Variants in LRP1B observed in about 807,000 individuals in gnomAD.
LRP1B encodes low-density lipoprotein receptor-related protein 1B.
In LRP1B, 217 loss-of-function variants were observed where a neutral mutation model predicts 556.6. That is an observed-to-expected ratio of 0.39 (90% confidence interval 0.35 to 0.44). The LOEUF (loss-of-function observed/expected upper bound fraction) is 0.44. Ranked by LOEUF, LRP1B falls within the 20% of genes least tolerant of loss-of-function variation. The pLI is 1.00. For synonymous variants in LRP1B, 2,047 were observed against 1,865.8 expected, an observed-to-expected ratio of 1.10 and a Z score of -2.50; for missense variants, 5,053 against 5,620.8, an observed-to-expected ratio of 0.90 and a Z score of 3.23.
intron 29 of LRP1B, among the ~76,000 whole-genome samples, chr2:140,842,606 C>CTT (rs565024821): frequency 1.4e-5 from 2 of 146,148 alleles, no homozygotes; most frequent in Admixed American, 1.4e-4. Context: ...CCAATTTCAT[C>CTT]TTTTTTTTTT....
intron 1 of LRP1B, among the ~76,000 whole-genome samples, chr2:142,109,105 GA>G (rs1250325546): frequency 4.6e-5 from 7 of 152,144 alleles, no homozygotes; most frequent in Non-Finnish European, 1.5e-5. Flanking sequence ...TGTCTTACTT[GA>G]AAATGTATTT....
chr2:141,791,657 T>C (rs942534588), intron 2 of LRP1B, among the ~76,000 whole-genome samples: 4 of 151,944 alleles, frequency 2.6e-5, no homozygotes, highest in Non-Finnish European at 5.9e-5. Flanking sequence ...CTTCACTCTG[T>C]GGGTGATTTT....
At position 141,905,874 on chromosome 2, in the gene LRP1B, T is replaced by A. The variant is rs549461866; in HGVS notation, c.83-95473A>T. On this transcript the variant is annotated intron_variant, in intron 1 of 90. Transcript: ENST00000389484. ...TTGTGTGTGTCTCTGTGTATATACATCTCTAAGAGGACAAGAGATGCTTGT... is the reference window on the plus strand; with the variant it reads ...TTGTGTGTGTCTCTGTGTATATACAACTCTAAGAGGACAAGAGATGCTTGT... Among the ~76,000 whole-genome samples, 31 of 150,170 alleles carry A rather than the reference T, an allele frequency of 2.1e-4. 1 individual carries two copies. The highest frequency in any genetic ancestry group is 6.4e-4 in the African/African-American group (26 of 40,678).
rs144694932 is a variant in LRP1B at position 142,096,540 on chromosome 2, T to C, written c.82+34108A>G. Among the ~76,000 whole-genome samples, 7 of 151,580 alleles carry C rather than the reference T, an allele frequency of 4.6e-5. No individual in the cohort carries two copies. The East Asian group carries it at 1.4e-3, about 29-fold the overall frequency. On this transcript the variant is annotated intron_variant, in intron 1 of 90. Coordinates refer to ENST00000389484, the MANE Select transcript of LRP1B (RefSeq NM_018557.3). ...TCTATTTGTTCCACTAAATGATCCA[T>C]AGGCCTCCTACTATGATGGAGACAA...
chr2:141,417,278 G>A (rs1296216477), intron 3 of LRP1B, among the ~76,000 whole-genome samples: 1 of 152,170 alleles, frequency 6.6e-6, no homozygotes, highest in Non-Finnish European at 1.5e-5. Flanking sequence ...ATTGTTAAAT[G>A]TATAGTCCAG....
chr2:140,586,630 T>C (rs1681997446), intron 43 of LRP1B: 1 of 152,212 alleles, frequency 6.6e-6, no homozygotes. Context: ...ACTCCCACTC[T>C]TCATCCAGTA....
intron 18 of LRP1B, among the ~76,000 whole-genome samples, chr2:140,965,756 T>C (rs1696192130): frequency 1.3e-5 from 2 of 150,766 alleles, no homozygotes; most frequent in African/African-American, 2.4e-5. Flanking sequence ...CTGTCCTGTG[T>C]CCAAGTGTTC....
chr2:141,678,102 A>G (rs1425954979), intron 2 of LRP1B, among the ~76,000 whole-genome samples: 1 of 152,222 alleles, frequency 6.6e-6, no homozygotes, highest in Non-Finnish European at 1.5e-5. Context: ...ATAAAGTTTG[A>G]GAGGTTTGTG....
chr2:141,740,142 A>G (rs554963453), intron 2 of LRP1B, among the ~76,000 whole-genome samples: 4 of 152,288 alleles, frequency 2.6e-5, no homozygotes, highest in African/African-American at 4.8e-5. Flanking sequence ...CTCCATTTTG[A>G]TAGCATAATT....
chr2:140,627,747 G>C (rs1261793370), intron 41 of LRP1B, among the ~76,000 whole-genome samples: 1 of 152,080 alleles, frequency 6.6e-6, no homozygotes, highest in Non-Finnish European at 1.5e-5. Flanking sequence ...CAGAAAAAAA[G>C]AATATCTCCT....
chr2:140,318,193 TATCTTCAGCAATCAATA>T (rs1684613357), intron 82 of LRP1B, among the ~76,000 whole-genome samples: 2 of 152,160 alleles, frequency 1.3e-5, no homozygotes, highest in Non-Finnish European at 2.9e-5. Flanking sequence ...AACTAGCATT[TATCTTCAGCAATCAATA>T]ATTCTGAAAT....
At chr2:141,755,173 C>T (rs966449430) in intron 2 of LRP1B, among the ~76,000 whole-genome samples, 1 of 152,012 alleles carries the variant, frequency 6.6e-6, no homozygotes, top group African/African-American at 2.4e-5. Context: ...GAGTTTAATT[C>T]ATGTAGTTTT....
chr2:140,930,952 T>A (rs968849296), intron 20 of LRP1B, among the ~76,000 whole-genome samples: 3 of 152,134 alleles, frequency 2.0e-5, no homozygotes, highest in African/African-American at 7.2e-5. Context: ...CCTTTGTCTG[T>A]TCCTGTCTGA....
chr2:141,424,094 A>G (rs1462753890), intron 3 of LRP1B, among the ~76,000 whole-genome samples: 1 of 150,224 alleles, frequency 6.7e-6, no homozygotes, highest in East Asian at 2.0e-4. Context: ...TTATGGAGTT[A>G]ACTATTACAA....
At chr2:140,911,064 A>G (rs1694403783) in intron 21 of LRP1B, among the ~76,000 whole-genome samples, 1 of 151,868 alleles carries the variant, frequency 6.6e-6, no homozygotes, top group Non-Finnish European at 1.5e-5. Flanking sequence ...ATGCATCCAT[A>G]CATTAAAGGT....
chr2:141,985,704 C>A (rs555569911), intron 1 of LRP1B, among the ~76,000 whole-genome samples: 3 of 151,602 alleles, frequency 2.0e-5, no homozygotes, highest in Non-Finnish European at 4.4e-5. Flanking sequence ...ACCTGTGTAA[C>A]ATTTTGTCAT....
intron 2 of LRP1B, among the ~76,000 whole-genome samples, chr2:141,681,254 C>T (rs1206545945): frequency 6.6e-6 from 1 of 152,002 alleles, no homozygotes; most frequent in African/African-American, 2.4e-5. Context: ...GATCGCACTA[C>T]TGCACTCCAG....
At position 142,056,313 on chromosome 2, in the gene LRP1B, T is replaced by C. The variant is rs140133055; in HGVS notation, c.82+74335A>G. Among the ~76,000 whole-genome samples, 6 of 152,026 alleles carry C rather than the reference T, an allele frequency of 3.9e-5. No individual in the cohort carries two copies. The East Asian group carries it at 7.8e-4, about 20-fold the overall frequency. ...ATGTAATAGGACTGGAAAAAAGATATAGTGTGCAGAAGTTTAAAGGGCAAA... is the reference window on the plus strand; with the variant it reads ...ATGTAATAGGACTGGAAAAAAGATACAGTGTGCAGAAGTTTAAAGGGCAAA... On this transcript the variant is annotated intron_variant, in intron 1 of 90. Transcript: ENST00000389484.
At chr2:141,284,368 G>A (rs1685624786) in intron 3 of LRP1B, among the ~76,000 whole-genome samples, 1 of 152,182 alleles carries the variant, frequency 6.6e-6, no homozygotes, top group Admixed American at 6.5e-5. Context: ...CAACAGTTTA[G>A]AAAGATATGT....
Sources: allele counts gnomAD v4.1 joint callset (sites outside exome capture counted in the v4.1 genomes callset), GRCh38; gene constraint gnomAD v4.1.1; transcripts MANE v1.5; gene names NCBI Gene and HGNC (gene_info 2026-07-23, HGNC 2026-07-21).